SARNP: variants seen among roughly 807,000 people sequenced by gnomAD.
The protein encoded by SARNP is SAP domain-containing ribonucleoprotein.
In SARNP, 5 loss-of-function variants were observed where a neutral mutation model predicts 38.1. That is an observed-to-expected ratio of 0.13 (90% CI 0.07 to 0.28). SARNP has a LOEUF of 0.28. SARNP is among the 10% of genes least tolerant of loss of function. The pLI is 1.00. For missense variants in SARNP, 180 were observed against 243.9 expected, an observed-to-expected ratio of 0.74 and a Z score of 1.75; for synonymous variants, 84 against 80.6, an observed-to-expected ratio of 1.04 and a Z score of -0.23.
chr12:55,757,190 T>C (rs1024366257), downstream of SARNP: 1 of 204,020 alleles, frequency 4.9e-6, no homozygotes, highest in Non-Finnish European at 9.9e-6. Context: ...CAATTCTCTA[T>C]AATATTTGCC....
At chr12:55,800,692 G>C (rs908089363) in intron 3 of SARNP, 63 bp from the exon 4 acceptor site, 72 of 1,388,094 alleles carry the variant, frequency 5.2e-5, no homozygotes, top group Non-Finnish European at 7.1e-5. Flanking sequence ...ATCAAAAGAA[G>C]AACATCAGAA....
intron 4 of SARNP, among the ~76,000 whole-genome samples, chr12:55,796,369 G>GAA (rs1879820289): frequency 6.6e-6 from 1 of 152,124 alleles, no homozygotes. Flanking sequence ...AAGGACACCA[G>GAA]AAACCATCTC....
chr12:55,777,974 G>A (rs1879231193), intron 9 of SARNP, among the ~76,000 whole-genome samples: 1 of 152,130 alleles, frequency 6.6e-6, no homozygotes, highest in Non-Finnish European at 1.5e-5. Flanking sequence ...TCATTGATTG[G>A]AACCATAATA....
intron 9 of SARNP, among the ~76,000 whole-genome samples, chr12:55,782,957 T>C (rs1879382049): frequency 6.6e-6 from 1 of 151,660 alleles, no homozygotes; most frequent in African/African-American, 2.4e-5. Context: ...CAAAAAATAC[T>C]AAAATTAGCT....
intron 2 of SARNP, 42 bp from the exon 3 acceptor site, chr12:55,800,942 AC>A: frequency 6.6e-7 from 1 of 1,522,482 alleles, no homozygotes; most frequent in Non-Finnish European, 9.1e-7. Context: ...CTGCTACAAA[AC>A]CATCTTGATC....
intron 2 of SARNP, among the ~76,000 whole-genome samples, chr12:55,802,157 C>G (rs767725566): frequency 2.0e-5 from 3 of 151,970 alleles, no homozygotes; most frequent in African/African-American, 4.8e-5. Context: ...ATACAAGAAC[C>G]CTTATGTACT....
intron 9 of SARNP, among the ~76,000 whole-genome samples, chr12:55,769,453 G>A (rs1565672032): frequency 6.6e-6 from 1 of 152,120 alleles, no homozygotes; most frequent in Non-Finnish European, 1.5e-5. Context: ...GACTCATAAC[G>A]GAAATTTGCT....
chr12:55,782,928 T>C (rs1218409055), intron 9 of SARNP, among the ~76,000 whole-genome samples: 1 of 151,932 alleles, frequency 6.6e-6, no homozygotes, highest in Non-Finnish European at 1.5e-5. Context: ...CTGGGCAACA[T>C]GGTGAAACCC....
At chr12:55,771,823 T>C (rs138519936) in intron 9 of SARNP, among the ~76,000 whole-genome samples, 1 of 152,274 alleles carries the variant, frequency 6.6e-6, no homozygotes, top group African/African-American at 2.4e-5. Flanking sequence ...CAGTGCCACG[T>C]GACTGATGGC....
intron 1 of SARNP, among the ~76,000 whole-genome samples, chr12:55,816,957 T>C (rs1191943945): frequency 2.0e-5 from 3 of 152,016 alleles, no homozygotes; most frequent in Non-Finnish European, 2.9e-5. Context: ...TTCCCAAATA[T>C]TGCAGGTGTG....
At chr12:55,779,269 C>G (rs962360776) in intron 9 of SARNP, among the ~76,000 whole-genome samples, 2 of 152,164 alleles carry the variant, frequency 1.3e-5, no homozygotes, top group Non-Finnish European at 2.9e-5. Context: ...GGGGGAAATT[C>G]CCCCAAAAGC....
chr12:55,788,589 G>A (rs1458588098), intron 9 of SARNP, among the ~76,000 whole-genome samples: 1 of 152,116 alleles, frequency 6.6e-6, no homozygotes, highest in African/African-American at 2.4e-5. Flanking sequence ...TTAGGCCCAG[G>A]AGTTTGAGAC....
At position 55,774,566 on chromosome 12, in the gene SARNP, AAAAAAAAACAAAC is replaced by A. The variant is rs1489586502; in HGVS notation, c.502-13939_502-13927del. Among the ~76,000 whole-genome samples the A allele has an allele frequency of 5.0e-5, 4 of 80,752 alleles. 1 individual carries two copies. The highest frequency in any genetic ancestry group is 3.2e-4 in the Admixed American group (2 of 6,238). 53.0% of individuals were successfully genotyped at this position (80,752 alleles called of 152,430 possible). Reference sequence around the variant, plus strand: ...TGAAACCCCGTCTCTACTGAAAAAAAAAAAAAAACAAACAAAAAAAAAAAAACAAAAATTAGCC... The same window carrying A: ...TGAAACCCCGTCTCTACTGAAAAAAAAAAAAAAAAAAAACAAAAATTAGCC... On this transcript the variant is annotated intron_variant, in intron 9 of 10. Coordinates refer to ENST00000336133, the MANE Select transcript of SARNP (RefSeq NM_033082.4).
At chr12:55,809,070 G>A (rs1335874763) in intron 1 of SARNP, among the ~76,000 whole-genome samples, 3 of 152,044 alleles carry the variant, frequency 2.0e-5, no homozygotes, top group Non-Finnish European at 4.4e-5. Flanking sequence ...GCCAGGCATG[G>A]TGGCATGTGC....
At chr12:55,809,757 A>C (rs1398104085) in intron 1 of SARNP, among the ~76,000 whole-genome samples, 2 of 151,710 alleles carry the variant, frequency 1.3e-5, no homozygotes, top group East Asian at 3.9e-4. Context: ...AAACAAAAAA[A>C]AAAAAGAAAA....
intron 4 of SARNP, among the ~76,000 whole-genome samples, chr12:55,796,736 C>T (rs982181898): frequency 1.3e-5 from 2 of 152,060 alleles, no homozygotes; most frequent in Admixed American, 6.6e-5. Context: ...AGTAACCCTC[C>T]AATCCTCCTT....
In SARNP at chr12:55,789,238, A is replaced by G. The variant is rs1353016317; in HGVS notation, c.433-95T>C. ...TAGTATGAAGCTAAGAGTTCAAATA[A>G]GCCTATAACATCAAAGACACCCTAT... On this transcript the variant is annotated intron_variant, in intron 8 of 10. Transcript: ENST00000336133. 3.7e-6 allele frequency: 3 copies of G among 810,826 alleles called. No individual in the cohort carries two copies. In the East Asian group the frequency reaches 7.7e-5, roughly 21 times the overall value. The allele number at this position is 810,826 out of a possible 1,614,324, so 50.2% of individuals were successfully genotyped here. A position where few individuals can be genotyped will look rare whatever the true frequency, so the allele number is the denominator to read the frequency against.
chr12:55,805,062 G>A (rs1592580533), intron 1 of SARNP, among the ~76,000 whole-genome samples: 1 of 151,000 alleles, frequency 6.6e-6, no homozygotes. Flanking sequence ...AGAAGATCGA[G>A]ACCATCCTGG....
intron 4 of SARNP, among the ~76,000 whole-genome samples, chr12:55,797,169 T>G (rs184925775): frequency 6.6e-6 from 1 of 152,128 alleles, no homozygotes; most frequent in Non-Finnish European, 1.5e-5. Context: ...CCCTGAAAGG[T>G]AGTAATGGTT....
Sources: allele counts gnomAD v4.1 joint callset (sites outside exome capture counted in the v4.1 genomes callset), GRCh38; gene constraint gnomAD v4.1.1; transcripts MANE v1.5; gene names NCBI Gene and HGNC (gene_info 2026-07-23, HGNC 2026-07-21).